Variants in IARS1 observed in about 807,000 individuals in gnomAD.
The protein encoded by IARS1 is isoleucine--tRNA ligase, cytoplasmic.
Under a neutral mutation model 168.2 loss-of-function variants are expected in IARS1, and 124 were observed. The observed-to-expected ratio is 0.74, with a 90% CI of 0.64 to 0.86. The LOEUF (loss-of-function observed/expected upper bound fraction) is 0.86, where lower values mean the gene tolerates loss of function less well. Ranked by LOEUF, IARS1 falls within the 40% of genes least tolerant of loss-of-function variation. IARS1 has a pLI of 0.00. For synonymous variants in IARS1, 532 were observed against 529.4 expected (o/e 1.00, Z -0.07); for missense variants, 1,452 against 1,515.8 (o/e 0.96, Z 0.70).
At chr9:92,254,215 G>C (rs1362072468) in intron 20 of IARS1, among the ~76,000 whole-genome samples, 1 of 152,134 alleles carries the variant, frequency 6.6e-6, no homozygotes, top group African/African-American at 2.4e-5. Context: ...GAATTAGGAG[G>C]ATTTGAAGAG....
At chr9:92,241,011 T>C (rs1292500477) in intron 29 of IARS1, 50 bp from the exon 30 acceptor site, 2 of 1,007,532 alleles carry the variant, frequency 2.0e-6, no homozygotes, top group Admixed American at 3.4e-5. Flanking sequence ...CTGACTGCAA[T>C]GTGCCACACC....
At chr9:92,276,027 A>G (rs1833727980) in intron 9 of IARS1, among the ~76,000 whole-genome samples, 1 of 152,210 alleles carries the variant, frequency 6.6e-6, no homozygotes, top group Admixed American at 6.5e-5. Context: ...GGTTCTCAAT[A>G]GGTTTTGTGA....
chr9:92,273,191 T>G lies in IARS1; in HGVS notation c.990+1235A>C, dbSNP rs532814100. On this transcript the variant is annotated intron_variant, in intron 10 of 33. Transcript: ENST00000443024. ...CAAAACCAAGAAGTTACCTTTTTAT[T>G]ATCTACTAAGAGTGGGGTAACCATA... Among the ~76,000 whole-genome samples, 24 of 152,030 alleles carry G rather than the reference T, an allele frequency of 1.6e-4. 1 individual carries two copies. The highest frequency in any genetic ancestry group is 5.5e-4 in the African/African-American group (23 of 41,494).
intron 30 of IARS1, among the ~76,000 whole-genome samples, chr9:92,234,534 C>T (rs574480185): frequency 1.3e-5 from 2 of 152,262 alleles, no homozygotes; most frequent in African/African-American, 4.8e-5. Flanking sequence ...GAAAATAGGC[C>T]CTACCTGTCT....
At chr9:92,254,094 T>C (rs1463881814) in intron 20 of IARS1, among the ~76,000 whole-genome samples, 3 of 152,176 alleles carry the variant, frequency 2.0e-5, no homozygotes, top group East Asian at 3.9e-4. Context: ...AAACTGCCCA[T>C]AGTGCTGCAG....
At chr9:92,262,738 T>G (rs921280842) in intron 17 of IARS1, among the ~76,000 whole-genome samples, 5 of 152,208 alleles carry the variant, frequency 3.3e-5, no homozygotes, top group Non-Finnish European at 7.3e-5. Flanking sequence ...TAAATGCTAT[T>G]TTATTACTAG....
intron 30 of IARS1, among the ~76,000 whole-genome samples, chr9:92,230,014 C>A (rs1197206324): frequency 4.6e-5 from 7 of 152,156 alleles, no homozygotes; most frequent in Non-Finnish European, 1.0e-4. Context: ...CAAACAGTCT[C>A]CATTTCTATA....
At chr9:92,255,779 G>C (rs1326189442) in intron 20 of IARS1, among the ~76,000 whole-genome samples, 1 of 151,296 alleles carries the variant, frequency 6.6e-6, no homozygotes, top group Non-Finnish European at 1.5e-5. Flanking sequence ...AGAAACTGAA[G>C]GTCAAGATAG....
rs28365880 is a variant in IARS1, at chr9:92,293,635, A to T, written c.-32T>A. 10,963 of 312,812 alleles carry T rather than the reference A, an allele frequency of 0.035. 319 individuals are homozygous for T. The highest frequency in any genetic ancestry group is 0.067 in the South Asian group (2,415 of 36,280). 19.4% of individuals were successfully genotyped at this position (312,812 alleles called of 1,614,324 possible). A position where few individuals can be genotyped will look rare whatever the true frequency, so the allele number is the denominator to read the frequency against. On this transcript the variant is annotated 5_prime_UTR_variant, in exon 1 of 34. Coordinates refer to ENST00000443024, the MANE Select transcript of IARS1 (RefSeq NM_002161.6). ...CCTGAGGGGCCTCGCGTGCCTGGAC[A>T]GCCCCGCGGGCCAGCAAGCCTAAAA...
chr9:92,243,394 T>C (rs538861613), intron 27 of IARS1, 83 bp from the exon 28 acceptor site: 11 of 898,740 alleles, frequency 1.2e-5, no homozygotes, highest in Non-Finnish European at 1.8e-5. Context: ...TATTTAAATC[T>C]GGAGAGTCTA....
chr9:92,259,526 G>T (rs950220223), intron 18 of IARS1, among the ~76,000 whole-genome samples: 5 of 152,212 alleles, frequency 3.3e-5, no homozygotes, highest in Admixed American at 2.0e-4. Flanking sequence ...GAGTCTAAGA[G>T]ACAGTGGAGA....
At chr9:92,263,114 G>A in intron 16 of IARS1, 59 bp from the exon 17 acceptor site, 1 of 1,143,578 alleles carries the variant, frequency 8.7e-7, no homozygotes, top group Non-Finnish European at 1.3e-6. Context: ...GCATAAGAAA[G>A]AAACTGTATT....
chr9:92,216,631 G>T (rs1266087781), intron 33 of IARS1, among the ~76,000 whole-genome samples: 46 of 129,686 alleles, frequency 3.5e-4, no homozygotes, highest in African/African-American at 8.4e-4. Flanking sequence ...TCCTAGTCTC[G>T]GATAAAACAG....
chr9:92,240,911 AG>A lies in IARS1; in HGVS notation c.3227del (p.Pro1076LeufsTer37). ...GATTGACATATGCACAAGCAGGACCAGGAAGGGAAGATCCTCTGGTGAGTGT... is the reference window on the plus strand; with the variant it reads ...GATTGACATATGCACAAGCAGGACCAGAAGGGAAGATCCTCTGGTGAGTGT... ...EITLTRGSSLPGPACAYVNLN... is the reference protein window; with the variant it reads ...EITLTRGSSLXGPACAYVNLN... On this transcript the variant is annotated frameshift_variant, in exon 30 of 34. Transcript: ENST00000443024. LOFTEE classifies it high-confidence loss of function. The A allele has an allele frequency of 6.2e-7, 1 of 1,613,750 alleles. No individual in the cohort carries two copies. The highest frequency in any genetic ancestry group is 1.1e-5 in the South Asian group (1 of 91,056).
intron 8 of IARS1, 125 bp from the exon 9 acceptor site, chr9:92,278,048 G>A (rs1055637560): frequency 4.4e-5 from 47 of 1,068,306 alleles, no homozygotes; most frequent in Non-Finnish European, 5.8e-5. Context: ...GCTGTAATGT[G>A]TGACTGCAAA....
At chr9:92,286,711 A>T in intron 4 of IARS1, 93 bp from the exon 5 acceptor site, 1 of 705,488 alleles carries the variant, frequency 1.4e-6, no homozygotes, top group Non-Finnish European at 2.4e-6. Context: ...ACAAATGAAA[A>T]TTTTGGGAAA....
chr9:92,230,604 CAT>C (rs1213728879), intron 30 of IARS1, among the ~76,000 whole-genome samples: 3 of 152,144 alleles, frequency 2.0e-5, no homozygotes, highest in Admixed American at 2.0e-4. Flanking sequence ...TGGTGGTGAA[CAT>C]AGTTTTCAGT....
intron 31 of IARS1, among the ~76,000 whole-genome samples, chr9:92,225,831 G>C (rs1210436848): frequency 1.3e-5 from 2 of 152,200 alleles, no homozygotes; most frequent in African/African-American, 4.8e-5. Flanking sequence ...GGCTAACATG[G>C]GGCCCGTGCC....
chr9:92,247,620 C>T lies in IARS1; in HGVS notation c.2617-69G>A, dbSNP rs925670874. 4 of 1,379,374 alleles carry T rather than the reference C, an allele frequency of 2.9e-6. No individual in the cohort carries two copies. In the African/African-American group the frequency reaches 5.7e-5, roughly 20 times the overall value. 85.4% of individuals were successfully genotyped at this position (1,379,374 alleles called of 1,614,324 possible). ...CATATGTTCACACAAAAATGTAGGT[C>T]CACAGCAGCATTATTCCTAACTGCC... is the stretch of plus-strand genomic sequence containing the variant. On this transcript the variant is annotated intron_variant, in intron 25 of 33. Coordinates refer to ENST00000443024, the MANE Select transcript of IARS1 (RefSeq NM_002161.6).
Sources: gnomAD v4.1 joint callset for allele counts (sites outside exome capture counted in the v4.1 genomes callset) on GRCh38, gnomAD v4.1.1 for gene constraint, MANE v1.5 for transcripts, NCBI Gene and HGNC (gene_info 2026-07-23, HGNC 2026-07-21) for gene names.